The following FGF2 variants were observed in gnomAD, a reference collection of about 807,000 sequenced individuals.
The protein encoded by FGF2 is basic fibroblast growth factor bFGF.
FGF2 carries 13 observed loss-of-function variants against 15.9 expected under a neutral mutation model. That is an observed-to-expected ratio of 0.82 (90% CI 0.53 to 1.30). The LOEUF (loss-of-function observed/expected upper bound fraction) is 1.30. Among genes scored for constraint, FGF2 ranks in the 50% most tolerant of loss-of-function variants. The pLI, the probability that FGF2 is intolerant of heterozygous loss-of-function variation, is 0.00. For synonymous variants in FGF2, 90 were observed against 78.4 expected (o/e 1.15, Z -0.78); for missense variants, 163 against 196.9 (o/e 0.83, Z 1.03).
At chr4:122,891,424 CTTT>C (rs57602061) in intron 2 of FGF2, among the ~76,000 whole-genome samples, 4 of 135,248 alleles carry the variant, frequency 3.0e-5, no homozygotes, top group East Asian at 2.2e-4. Context: ...GCCAGCTATC[CTTT>C]TTTTTTTTTT....
intron 2 of FGF2, among the ~76,000 whole-genome samples, chr4:122,884,205 A>G (rs537998418): frequency 6.6e-6 from 1 of 152,248 alleles, no homozygotes; most frequent in Non-Finnish European, 1.5e-5. Context: ...GTTTAAGATC[A>G]AATTTAGGCC....
chr4:122,875,690 C>T lies in FGF2; in HGVS notation c.179-631C>T, dbSNP rs575196687. 3.3e-5 allele frequency among the ~76,000 whole-genome samples: 5 copies of T among 152,166 alleles called. No homozygotes were observed. In the South Asian group the frequency reaches 1.0e-3, roughly 32 times the overall value. ...GGCGTGGTGGTGGGCATCTGTAGTCCCAGCTACTTGGGAGACTGAGGCAGG... is the reference window on the plus strand; with the variant it reads ...GGCGTGGTGGTGGGCATCTGTAGTCTCAGCTACTTGGGAGACTGAGGCAGG... On this transcript the variant is annotated intron_variant, in intron 1 of 2. Coordinates refer to ENST00000644866, the MANE Select transcript of FGF2 (RefSeq NM_001361665.2).
chr4:122,858,677 C>T (rs1013182929), intron 1 of FGF2, among the ~76,000 whole-genome samples: 5 of 152,144 alleles, frequency 3.3e-5, no homozygotes, highest in African/African-American at 1.2e-4. Flanking sequence ...GGGTTACAGA[C>T]GTGAGCCACC....
At chr4:122,851,560 G>A (rs1578460502) in intron 1 of FGF2, among the ~76,000 whole-genome samples, 1 of 152,220 alleles carries the variant, frequency 6.6e-6, no homozygotes, top group African/African-American at 2.4e-5. Context: ...TGGCTTAAAT[G>A]TGGCTCTAGT....
At chr4:122,855,974 A>T (rs893605788) in intron 1 of FGF2, among the ~76,000 whole-genome samples, 1 of 152,210 alleles carries the variant, frequency 6.6e-6, no homozygotes, top group Non-Finnish European at 1.5e-5. Context: ...ACTATGAAGA[A>T]TAGGGATTGG....
In FGF2 at chr4:122,892,814, A is replaced by G. The variant is rs1409656208; in HGVS notation, c.*418A>G. On this transcript the variant is annotated 3_prime_UTR_variant, in exon 3 of 3. Transcript: ENST00000644866. The stretch of plus-strand genomic sequence containing the variant: ...TTCGTTAGTCTACATGTTTCTAAAC[A>G]TATAAATGTGAATTTAATCAATTCC... 1 of 1,573,238 alleles carries G rather than the reference A, an allele frequency of 6.4e-7. No homozygotes were observed. The highest frequency in any genetic ancestry group is 8.7e-7 in the Non-Finnish European group (1 of 1,154,126).
At chr4:122,880,757 T>A (rs530299108) in intron 2 of FGF2, among the ~76,000 whole-genome samples, 54 of 152,252 alleles carry the variant, frequency 3.5e-4, no homozygotes, top group African/African-American at 1.2e-3. Flanking sequence ...TCTCAGTAGA[T>A]CTACCATTCT....
intron 1 of FGF2, among the ~76,000 whole-genome samples, chr4:122,845,530 A>G (rs1726092164): frequency 6.6e-6 from 1 of 152,246 alleles, no homozygotes; most frequent in Non-Finnish European, 1.5e-5. Flanking sequence ...AGCTACCTTC[A>G]TCAGTGATCT....
At chr4:122,873,734 T>C (rs1560752962) in intron 1 of FGF2, among the ~76,000 whole-genome samples, 1 of 152,238 alleles carries the variant, frequency 6.6e-6, no homozygotes, top group Non-Finnish European at 1.5e-5. Flanking sequence ...TCAGCTCAGA[T>C]AGTTTTTATA....
intron 1 of FGF2, among the ~76,000 whole-genome samples, chr4:122,849,826 T>A (rs897094411): frequency 2.6e-5 from 4 of 152,184 alleles, no homozygotes; most frequent in African/African-American, 7.2e-5. Context: ...ACCAGGGATA[T>A]GCCCAAGTGG....
At chr4:122,830,697 T>C (rs1274110304) in intron 1 of FGF2, among the ~76,000 whole-genome samples, 1 of 150,940 alleles carries the variant, frequency 6.6e-6, no homozygotes, top group Admixed American at 6.7e-5. Flanking sequence ...GTAAAAACAT[T>C]CAGAAGAGAG....
intron 2 of FGF2, among the ~76,000 whole-genome samples, chr4:122,878,447 TTAAC>T (rs1242882540): frequency 1.3e-5 from 2 of 152,114 alleles, no homozygotes; most frequent in Non-Finnish European, 2.9e-5. Context: ...TTACAAGTAA[TTAAC>T]TAATGCTGGA....
At chr4:122,873,345 A>G (rs1560752800) in intron 1 of FGF2, among the ~76,000 whole-genome samples, 1 of 152,256 alleles carries the variant, frequency 6.6e-6, no homozygotes, top group Non-Finnish European at 1.5e-5. Flanking sequence ...GGCCCAGTGT[A>G]CTTGAAGAGG....
intron 1 of FGF2, among the ~76,000 whole-genome samples, chr4:122,868,701 C>T (rs1726659231): frequency 6.6e-6 from 1 of 152,194 alleles, no homozygotes; most frequent in East Asian, 1.9e-4. Context: ...GCACTGTCTT[C>T]AACAATGGTT....
At chr4:122,840,671 C>G (rs1377636127) in intron 1 of FGF2, 1 of 192,012 alleles carries the variant, frequency 5.2e-6, no homozygotes, top group East Asian at 1.2e-4. Context: ...GCCCCACGAC[C>G]TCCACTAAAG....
chr4:122,833,079 G>A (rs1190403223), intron 1 of FGF2, among the ~76,000 whole-genome samples: 1 of 152,176 alleles, frequency 6.6e-6, no homozygotes, highest in Non-Finnish European at 1.5e-5. Flanking sequence ...CAGTGTTTAT[G>A]TCTCATCCAG....
chr4:122,866,047 G>A (rs969844181), intron 1 of FGF2, among the ~76,000 whole-genome samples: 1 of 152,300 alleles, frequency 6.6e-6, no homozygotes, highest in Non-Finnish European at 1.5e-5. Context: ...AAAATTTAAA[G>A]TGTTTATGCT....
chr4:122,847,549 A>C (rs1362470269), intron 1 of FGF2, among the ~76,000 whole-genome samples: 3 of 152,182 alleles, frequency 2.0e-5, no homozygotes, highest in Non-Finnish European at 4.4e-5. Flanking sequence ...CTCGATTTTT[A>C]GGAGGCTTGT....
At chr4:122,840,984 T>G (rs1725972730) in intron 1 of FGF2, among the ~76,000 whole-genome samples, 1 of 151,802 alleles carries the variant, frequency 6.6e-6, no homozygotes, top group African/African-American at 2.4e-5. Context: ...CTCCAAGAGG[T>G]TTGAGAATAC....
Sources: allele counts gnomAD v4.1 joint callset (sites outside exome capture counted in the v4.1 genomes callset), GRCh38; gene constraint gnomAD v4.1.1; transcripts MANE v1.5; gene names NCBI Gene and HGNC (gene_info 2026-07-23, HGNC 2026-07-21).